The following H1-8 variants were observed in gnomAD, a reference collection of about 807,000 sequenced individuals.
H1-8 encodes histone H1.8.
A neutral mutation model predicts 19.5 loss-of-function variants in H1-8; 13 were observed. That is an observed-to-expected ratio of 0.67 (90% CI 0.43 to 1.06). H1-8 has a LOEUF of 1.06. H1-8 is among the 50% of genes least tolerant of loss of function. H1-8 has a pLI of 0.00. For synonymous variants in H1-8, 193 were observed against 187.6 expected (o/e 1.03, Z -0.24); for missense variants, 432 against 459.8 (o/e 0.94, Z 0.55).
At chr3:129,548,336 G>A in intron 2 of H1-8, 1 of 985,986 alleles carries the variant, frequency 1.0e-6, no homozygotes, top group Non-Finnish European at 1.2e-6. Flanking sequence ...ACAGATCACA[G>A]AAAGTCCCAC....
chr3:129,548,971 C>T, intron 2 of H1-8, 30 bp from the exon 3 acceptor site: 1 of 1,565,950 alleles, frequency 6.4e-7, no homozygotes. Flanking sequence ...TGAGGCTCTG[C>T]TTTCAGCCCC....
chr3:129,547,689 C>T lies in H1-8; in HGVS notation c.378+9C>T. On this transcript the variant is annotated intron_variant, in intron 2 of 4. Coordinates refer to ENST00000324382, the MANE Select transcript of H1-8 (RefSeq NM_153833.3). Reference sequence around the variant, plus strand: ...CCACTGGCAGCTTCAAAGTAAGCGCCCCTGAGGGAGGACATAGCCCAGGGT... The same window carrying T: ...CCACTGGCAGCTTCAAAGTAAGCGCTCCTGAGGGAGGACATAGCCCAGGGT... 6.5e-7 allele frequency: 1 copy of T among 1,534,180 alleles called. No individual in the cohort carries two copies. The highest frequency in any genetic ancestry group is 8.7e-7 in the Non-Finnish European group (1 of 1,144,592).
chr3:129,545,709 T>C (rs1187673286), intron 1 of H1-8, among the ~76,000 whole-genome samples: 1 of 152,192 alleles, frequency 6.6e-6, no homozygotes, highest in Admixed American at 6.5e-5. Context: ...CTGACTGCCT[T>C]TTTTCACTTT....
At chr3:129,550,670 A>C in intron 3 of H1-8, 75 bp from the exon 4 acceptor site, 12 of 1,253,638 alleles carry the variant, frequency 9.6e-6, no homozygotes, top group South Asian at 2.4e-5. Context: ...TGGGGGTTCT[A>C]GAGCCCCTGA....
intron 1 of H1-8, among the ~76,000 whole-genome samples, chr3:129,544,812 G>GC (rs1306771039): frequency 2.6e-5 from 4 of 151,938 alleles, no homozygotes; most frequent in African/African-American, 9.7e-5. Context: ...CTCCTTAGAG[G>GC]CCCCCGTCCC....
At chr3:129,544,100 C>A (rs1220666113) in intron 1 of H1-8, among the ~76,000 whole-genome samples, 1 of 152,058 alleles carries the variant, frequency 6.6e-6, no homozygotes, top group African/African-American at 2.4e-5. Flanking sequence ...GTGAGAGCAG[C>A]CTGCATGACC....
intron 1 of H1-8, among the ~76,000 whole-genome samples, chr3:129,546,108 T>G (rs550260433): frequency 7.2e-6 from 1 of 139,356 alleles, no homozygotes; most frequent in Non-Finnish European, 1.5e-5. Flanking sequence ...GAGACCTGTG[T>G]CAAATAACAA....
At chr3:129,547,364 G>A (rs1275921922) in intron 1 of H1-8, 27 bp from the exon 2 acceptor site, 4 of 1,468,862 alleles carry the variant, frequency 2.7e-6, no homozygotes, top group South Asian at 1.4e-5. Flanking sequence ...ACTGGGCCCC[G>A]GGTGATGGCC....
intron 1 of H1-8, among the ~76,000 whole-genome samples, chr3:129,547,081 C>T (rs1038936507): frequency 2.6e-5 from 4 of 152,160 alleles, no homozygotes; most frequent in East Asian, 3.9e-4. Flanking sequence ...CCTGTAATCC[C>T]AGCTACTTGG....
At chr3:129,546,842 A>T (rs1337446906) in intron 1 of H1-8, among the ~76,000 whole-genome samples, 2 of 152,188 alleles carry the variant, frequency 1.3e-5, no homozygotes, top group African/African-American at 4.8e-5. Flanking sequence ...AGGTCCTGTA[A>T]ACCCACAGTT....
intron 2 of H1-8, among the ~76,000 whole-genome samples, chr3:129,548,004 C>T (rs2108755265): frequency 6.6e-6 from 1 of 152,334 alleles, no homozygotes; most frequent in East Asian, 1.9e-4. Flanking sequence ...AAAGGGTTTT[C>T]CCTCTGCTGG....
At chr3:129,548,894 G>A in intron 2 of H1-8, 107 bp from the exon 3 acceptor site, 1 of 1,423,772 alleles carries the variant, frequency 7.0e-7, no homozygotes, top group East Asian at 2.4e-5. Context: ...ACTGCCTGTG[G>A]AGCCCCCCTG....
chr3:129,546,792 TCA>T (rs2084892164), intron 1 of H1-8, among the ~76,000 whole-genome samples: 1 of 152,198 alleles, frequency 6.6e-6, no homozygotes, highest in Non-Finnish European at 1.5e-5. Flanking sequence ...GGAGAGTCTC[TCA>T]GTCTGGGTGC....
At chr3:129,548,080 A>G (rs1424970272) in intron 2 of H1-8, among the ~76,000 whole-genome samples, 1 of 152,130 alleles carries the variant, frequency 6.6e-6, no homozygotes, top group East Asian at 1.9e-4. Flanking sequence ...AGGAGGCTCC[A>G]AAAGGGGACC....
chr3:129,543,811 C>G (rs781056064), intron 1 of H1-8, among the ~76,000 whole-genome samples: 12 of 152,210 alleles, frequency 7.9e-5, no homozygotes, highest in Non-Finnish European at 1.5e-4. Flanking sequence ...TGGCCCATGG[C>G]TTGTTGCTGT....
intron 1 of H1-8, among the ~76,000 whole-genome samples, chr3:129,546,381 G>A (rs2084889010): frequency 6.6e-6 from 1 of 152,100 alleles, no homozygotes; most frequent in African/African-American, 2.4e-5. Flanking sequence ...CAAATGGTCT[G>A]TAACTCCCTT....
At chr3:129,544,272 A>T (rs1298220620) in intron 1 of H1-8, among the ~76,000 whole-genome samples, 1 of 152,074 alleles carries the variant, frequency 6.6e-6, no homozygotes, top group African/African-American at 2.4e-5. Context: ...GGCGGTCTTC[A>T]GTTAGGTCAA....
chr3:129,544,220 A>C (rs2084871770), intron 1 of H1-8, among the ~76,000 whole-genome samples: 1 of 152,072 alleles, frequency 6.6e-6, no homozygotes, highest in African/African-American at 2.4e-5. Flanking sequence ...GAAGGAGGGA[A>C]GTGCTGGGGC....
intron 3 of H1-8, among the ~76,000 whole-genome samples, 170 bp downstream of exon 3, chr3:129,549,534 G>C (rs1487138894): frequency 6.6e-6 from 1 of 151,982 alleles, no homozygotes; most frequent in Non-Finnish European, 1.5e-5. Context: ...GGGGGAAGGA[G>C]GCAGACATTT....
Sources: allele counts gnomAD v4.1 joint callset (sites outside exome capture counted in the v4.1 genomes callset), GRCh38; gene constraint gnomAD v4.1.1; transcripts MANE v1.5; gene names NCBI Gene and HGNC (gene_info 2026-07-23, HGNC 2026-07-21).